The following RAPGEF2 variants were observed in gnomAD, a reference collection of about 807,000 sequenced individuals.
The protein encoded by RAPGEF2 is PDZ domain containing guanine nucleotide exchange factor (GEF) 1.
Under a neutral mutation model 186.7 loss-of-function variants are expected in RAPGEF2, and 54 were observed. The ratio of observed to expected loss-of-function variants is 0.29; its 90% CI spans 0.23 to 0.36. RAPGEF2 has a LOEUF of 0.36. Among genes scored for constraint, RAPGEF2 ranks in the 10% least tolerant of loss-of-function variants. The pLI is 1.00. For synonymous variants in RAPGEF2, 712 were observed against 705.9 expected (o/e 1.01, Z -0.14); for missense variants, 1,532 against 2,045.0 (o/e 0.75, Z 4.84).
chr4:159,278,868 T>C (rs749701122), intron 7 of RAPGEF2, among the ~76,000 whole-genome samples: 1 of 152,188 alleles, frequency 6.6e-6, no homozygotes, highest in Admixed American at 6.5e-5. Flanking sequence ...ACAATTCTTA[T>C]ATTTTTGTAG....
In RAPGEF2 at chr4:159,341,816, A is replaced by G; in HGVS notation, c.2787A>G (p.Thr929=). Reference sequence around the variant, plus strand: ...TTGAAGAAGTCATTAACCAGGAAACATTTTGGGTAGCATCTGAAATTCTCA... The same window carrying G: ...TTGAAGAAGTCATTAACCAGGAAACGTTTTGGGTAGCATCTGAAATTCTCA... The part of the protein sequence containing the change: ...KRFEEVINQE[T]FWVASEILRE... Residue 929 remains threonine (T), a synonymous_variant, in exon 20 of 30, where the codon ACA becomes ACG. Coordinates refer to ENST00000691494, the MANE Select transcript of RAPGEF2 (RefSeq NM_001394067.2). 6.2e-7 allele frequency: 1 copy of G among 1,613,994 alleles called. No individual in the cohort carries two copies. The highest frequency in any genetic ancestry group is 8.5e-7 in the Non-Finnish European group (1 of 1,179,938).
At chr4:159,241,477 T>C (rs1753987794) in intron 6 of RAPGEF2, 109 bp downstream of exon 6, 1 of 428,770 alleles carries the variant, frequency 2.3e-6, no homozygotes, top group Non-Finnish European at 3.7e-6. Context: ...ATTATATATA[T>C]ATACACACAC....
intron 19 of RAPGEF2, 59 bp from the exon 20 acceptor site, chr4:159,341,505 A>G: frequency 3.4e-6 from 5 of 1,485,974 alleles, no homozygotes; most frequent in South Asian, 1.4e-5. Context: ...TATTCTTTCA[A>G]GGAATATCAT....
At chr4:159,349,213 AAT>A (rs1403278950) in intron 25 of RAPGEF2, among the ~76,000 whole-genome samples, 54 of 152,368 alleles carry the variant, frequency 3.5e-4, no homozygotes, top group Middle Eastern at 3.4e-3. Flanking sequence ...GTATTAAAAC[AAT>A]ATCAGACTGC....
intron 7 of RAPGEF2, among the ~76,000 whole-genome samples, chr4:159,251,251 C>T (rs1044818894): frequency 3.9e-5 from 6 of 152,250 alleles, no homozygotes; most frequent in Non-Finnish European, 8.8e-5. Context: ...TGAGCCTTCC[C>T]GACGGGCGCC....
intron 3 of RAPGEF2, among the ~76,000 whole-genome samples, chr4:159,194,475 C>A (rs886948887): frequency 6.6e-6 from 1 of 152,108 alleles, no homozygotes; most frequent in South Asian, 2.1e-4. Flanking sequence ...ACATGGCAAA[C>A]CCATGGCCAA....
At chr4:159,183,099 C>T (rs1747193824) in intron 1 of RAPGEF2, among the ~76,000 whole-genome samples, 1 of 152,110 alleles carries the variant, frequency 6.6e-6, no homozygotes. Flanking sequence ...ATGCAAGGCA[C>T]CTAAAAGAGC....
intron 1 of RAPGEF2, among the ~76,000 whole-genome samples, chr4:159,110,181 A>G (rs1181302825): frequency 6.6e-6 from 1 of 152,192 alleles, no homozygotes; most frequent in East Asian, 1.9e-4. Flanking sequence ...AAGTTGTTGA[A>G]TATAGTTTTC....
Position 159,294,420 on chromosome 4 carries a change from G to A in RAPGEF2, c.544-9922G>A, listed in dbSNP as rs533245426. Among the ~76,000 whole-genome samples the A allele has an allele frequency of 2.6e-5, 4 of 152,256 alleles. No homozygotes were observed. In the South Asian group the frequency reaches 6.2e-4, roughly 24 times the overall value. On this transcript the variant is annotated intron_variant, in intron 7 of 29. Transcript: ENST00000691494. ...GCTGCCTCCCTCTCCAGGGATTGCC[G>A]CTTCCATAGCATCAGTCCCACTAGG...
At chr4:159,161,991 A>T (rs921388316) in intron 1 of RAPGEF2, among the ~76,000 whole-genome samples, 2 of 152,204 alleles carry the variant, frequency 1.3e-5, no homozygotes, top group Non-Finnish European at 2.9e-5. Flanking sequence ...TTCTGGAGAG[A>T]AAAATCTGCA....
chr4:159,201,640 C>A (rs755724147), intron 3 of RAPGEF2, among the ~76,000 whole-genome samples: 5 of 152,190 alleles, frequency 3.3e-5, no homozygotes, highest in African/African-American at 4.8e-5. Flanking sequence ...GGACCCTGAA[C>A]TGTAGCAAAG....
chr4:159,340,707 A>ACACACACAT (rs869035959), intron 19 of RAPGEF2, among the ~76,000 whole-genome samples: 1 of 140,696 alleles, frequency 7.1e-6, no homozygotes, highest in Non-Finnish European at 1.5e-5. Context: ...ACACACACAC[A>ACACACACAT]TTTATGGAAT....
chr4:159,177,590 CCTT>C lies in RAPGEF2; in HGVS notation c.70-9048_70-9046del, dbSNP rs1001242126. Among the ~76,000 whole-genome samples the C allele has an allele frequency of 1.1e-4, 16 of 152,298 alleles. No homozygotes were observed. In the East Asian group the frequency reaches 3.1e-3, roughly 29 times the overall value. The stretch of plus-strand genomic sequence containing the variant: ...TGTATTCCTTTTATTACATCTCTCT[CCTT>C]CTTAGGATAGCTCTTTTGTATGTTT... On this transcript the variant is annotated intron_variant, in intron 1 of 29. Transcript: ENST00000691494.
At chr4:159,104,574 G>A (rs1579193042) in intron 1 of RAPGEF2, among the ~76,000 whole-genome samples, 5 of 146,190 alleles carry the variant, frequency 3.4e-5, no homozygotes, top group South Asian at 2.2e-4. Flanking sequence ...GTGTGTGTAT[G>A]TGTGTGAATG....
chr4:159,200,260 G>T (rs141162556), intron 3 of RAPGEF2, among the ~76,000 whole-genome samples: 99 of 152,188 alleles, frequency 6.5e-4, no homozygotes, highest in African/African-American at 2.2e-3. Context: ...TTGAGCCCAG[G>T]AGTTCGAGAC....
Position 159,341,963 on chromosome 4 carries a change from T to G in RAPGEF2, c.2918+16T>G. Reference sequence around the variant, plus strand: ...CAATCATCAGGTAAGAGAGCACATTTTTTCTTAAGATTCAGTTCAGTTCAC... The same window carrying G: ...CAATCATCAGGTAAGAGAGCACATTGTTTCTTAAGATTCAGTTCAGTTCAC... On this transcript the variant is annotated intron_variant, in intron 20 of 29. Transcript: ENST00000691494. 7 of 1,556,804 alleles carry G rather than the reference T, an allele frequency of 4.5e-6. No homozygotes were observed. The highest frequency in any genetic ancestry group is 6.1e-6 in the Non-Finnish European group (7 of 1,156,448).
intron 7 of RAPGEF2, among the ~76,000 whole-genome samples, chr4:159,245,161 C>T (rs1015089789): frequency 6.6e-6 from 1 of 151,892 alleles, no homozygotes; most frequent in African/African-American, 2.4e-5. Context: ...AAATTAGATG[C>T]ATTGCAGTAG....
chr4:159,254,488 G>A (rs1374767726), intron 7 of RAPGEF2, among the ~76,000 whole-genome samples: 2 of 151,774 alleles, frequency 1.3e-5, no homozygotes, highest in Non-Finnish European at 2.9e-5. Context: ...ATATAATAGA[G>A]TTCTGCAAAT....
At chr4:159,111,113 C>G (rs1204421945) in intron 1 of RAPGEF2, among the ~76,000 whole-genome samples, 1 of 151,794 alleles carries the variant, frequency 6.6e-6, no homozygotes, top group East Asian at 1.9e-4. Flanking sequence ...TCAGCTGTTT[C>G]CTTTTTCCCT....
Sources: gnomAD v4.1 joint callset for allele counts (sites outside exome capture counted in the v4.1 genomes callset) on GRCh38, gnomAD v4.1.1 for gene constraint, MANE v1.5 for transcripts, NCBI Gene and HGNC (gene_info 2026-07-23, HGNC 2026-07-21) for gene names.